CEP192: variants seen among roughly 807,000 people sequenced by gnomAD.
CEP192 encodes the protein centrosomal protein 192, also known as centrosomal protein of 192 kDa.
In CEP192, 151 loss-of-function variants were observed where a neutral mutation model predicts 271.8. The observed-to-expected ratio is 0.56, with a 90% CI of 0.49 to 0.64. The LOEUF (loss-of-function observed/expected upper bound fraction) is 0.64, where lower values mean the gene tolerates loss of function less well. Among genes scored for constraint, CEP192 ranks in the 30% least tolerant of loss-of-function variants. CEP192 has a pLI of 0.00. For synonymous variants in CEP192, 995 were observed against 1,076.5 expected (o/e 0.92, Z 1.48); for missense variants, 2,910 against 3,020.5 (o/e 0.96, Z 0.86).
At position 13,116,401 on chromosome 18, in the gene CEP192, A is replaced by G. The variant is rs1203385995; in HGVS notation, c.7314A>G (p.Gly2438=). The change falls in exon 43 of 45, where the codon GGA becomes GGG. Residue 2438 remains glycine (G), a synonymous_variant. Coordinates refer to ENST00000506447, the MANE Select transcript of CEP192 (RefSeq NM_032142.4). The part of the protein sequence containing the change: ...IPEQLDVTAR[G]VYAPEDVYRF... ...GGCAGCTTGATGTGACTGCTCGTGGAGTTTATGCCCCAGAGGATGTGTACA... is the reference window on the plus strand; with the variant it reads ...GGCAGCTTGATGTGACTGCTCGTGGGGTTTATGCCCCAGAGGATGTGTACA... 2 of 1,612,316 alleles carry G rather than the reference A, an allele frequency of 1.2e-6. No individual in the cohort carries two copies. Among genetic ancestry groups the G allele is most frequent in the Non-Finnish European group, 1.7e-6 (2 of 1,179,566 alleles).
intron 1 of CEP192, among the ~76,000 whole-genome samples, chr18:12,994,467 A>G (rs1471665679): frequency 1.3e-5 from 2 of 152,038 alleles, no homozygotes; most frequent in African/African-American, 4.8e-5. Flanking sequence ...TAGAGTTTTC[A>G]GGAGAGGCAT....
Position 13,013,021 on chromosome 18 carries a change from C to T in CEP192, c.515C>T (p.Pro172Leu), listed in dbSNP as rs1363254517. The change falls in exon 5 of 45, where the codon CCC becomes CTC. Residue 172 changes from proline (P) to leucine (L), a missense_variant. Pro to Leu is a moderately conservative substitution (Grantham distance 98, BLOSUM62 -3). Coordinates refer to ENST00000506447, the MANE Select transcript of CEP192 (RefSeq NM_032142.4). ...CAGTCATGGATGAATAATAAGGAAC[C>T]CAAGGTAACCTTTTATATATTTGGT... ...HLQSWMNNKE[P>L]KIVVLDAGKH... is the part of the protein sequence containing the mutation. 2.1e-6 allele frequency: 3 copies of T among 1,459,596 alleles called. No individual in the cohort carries two copies. Among genetic ancestry groups the T allele is most frequent in the East Asian group, 2.5e-5 (1 of 40,302 alleles). 90.4% of individuals were successfully genotyped at this position (1,459,596 alleles called of 1,614,324 possible). A position where few individuals can be genotyped will look rare whatever the true frequency, so the allele number is the denominator to read the frequency against.
chr18:13,034,457 G>A (rs1205881446), intron 11 of CEP192, among the ~76,000 whole-genome samples: 3 of 152,144 alleles, frequency 2.0e-5, no homozygotes, highest in South Asian at 2.1e-4. Context: ...TAACGTCCAA[G>A]TCATTTTAAA....
chr18:13,063,055 G>T (rs1010761152), intron 21 of CEP192, among the ~76,000 whole-genome samples: 11 of 152,142 alleles, frequency 7.2e-5, no homozygotes, highest in Admixed American at 5.2e-4. Flanking sequence ...CAAATGACTG[G>T]ATCTCATTCT....
chr18:13,099,520 CA>C lies in CEP192; in HGVS notation c.6606del (p.Lys2202AsnfsTer10). The stretch of plus-strand genomic sequence containing the variant: ...GTGAGTCCTAATTCCTCCTTATCCA[CA>C]AAACAGTCAATGTTCCCGTGGAGTG... ...ILVSPNSSLS[T>X]KQSMFPWSGL... On this transcript the variant is annotated frameshift_variant, in exon 37 of 45. Coordinates refer to ENST00000506447, the MANE Select transcript of CEP192 (RefSeq NM_032142.4). LOFTEE classifies it high-confidence loss of function. 1 of 1,603,598 alleles carries C rather than the reference CA, an allele frequency of 6.2e-7. No individual in the cohort carries two copies.
chr18:13,013,166 A>G, intron 5 of CEP192, 141 bp downstream of exon 5: 1 of 536,246 alleles, frequency 1.9e-6, no homozygotes. Context: ...AGCTTCAGTA[A>G]AAATGGGAGT....
chr18:13,045,892 T>C (rs2036447949), intron 15 of CEP192, among the ~76,000 whole-genome samples: 1 of 152,220 alleles, frequency 6.6e-6, no homozygotes, highest in African/African-American at 2.4e-5. Context: ...TAGCATGTTA[T>C]ATTTTTTGCC....
chr18:13,006,565 T>G (rs1387653250), intron 3 of CEP192, among the ~76,000 whole-genome samples: 1 of 152,374 alleles, frequency 6.6e-6, no homozygotes, highest in East Asian at 1.9e-4. Flanking sequence ...TTGAAAGTTC[T>G]GTAAACTGTT....
At chr18:13,076,818 C>T (rs928854976) in intron 30 of CEP192, among the ~76,000 whole-genome samples, 1 of 152,110 alleles carries the variant, frequency 6.6e-6, no homozygotes, top group African/African-American at 2.4e-5. Context: ...TCATCTCACT[C>T]TGTCGCCCAG....
At chr18:13,118,784 A>G (rs1329906811) in intron 44 of CEP192, among the ~76,000 whole-genome samples, 1 of 151,252 alleles carries the variant, frequency 6.6e-6, no homozygotes, top group Non-Finnish European at 1.5e-5. Flanking sequence ...AGACATAGCA[A>G]GCGTCAGGTG....
chr18:13,077,848 T>A (rs921314844), intron 30 of CEP192, among the ~76,000 whole-genome samples: 3 of 152,216 alleles, frequency 2.0e-5, no homozygotes, highest in African/African-American at 4.8e-5. Context: ...AACAGTCACA[T>A]ACACTATCAC....
chr18:13,023,370 G>A (rs1220479592), intron 9 of CEP192, among the ~76,000 whole-genome samples: 1 of 152,014 alleles, frequency 6.6e-6, no homozygotes, highest in African/African-American at 2.4e-5. Context: ...TAAGTATGAT[G>A]CTAGCTATAG....
intron 1 of CEP192, among the ~76,000 whole-genome samples, chr18:12,998,959 A>G (rs1210257329): frequency 6.6e-6 from 1 of 152,164 alleles, no homozygotes; most frequent in Non-Finnish European, 1.5e-5. Context: ...TTTTTAATTC[A>G]GTCTTAACAA....
At chr18:13,019,024 T>C (rs2034829508) in intron 8 of CEP192, 58 bp from the exon 9 acceptor site, 5 of 1,416,674 alleles carry the variant, frequency 3.5e-6, no homozygotes, top group Non-Finnish European at 3.8e-6. Flanking sequence ...AATCAGTTAT[T>C]ATGTTAGATT....
intron 44 of CEP192, among the ~76,000 whole-genome samples, chr18:13,123,281 A>T (rs931587214): frequency 6.6e-6 from 1 of 152,228 alleles, no homozygotes; most frequent in East Asian, 1.9e-4. Context: ...TATCTTTGAC[A>T]TGGTAAAACA....
At chr18:13,106,296 TACC>T (rs1032182132) in intron 40 of CEP192, among the ~76,000 whole-genome samples, 1 of 151,242 alleles carries the variant, frequency 6.6e-6, no homozygotes, top group Admixed American at 6.6e-5. Flanking sequence ...CCCACACAAC[TACC>T]ACCACCACTA....
intron 9 of CEP192, among the ~76,000 whole-genome samples, chr18:13,024,921 C>T (rs113286404): frequency 0.039 from 5,990 of 151,724 alleles, 378 homozygotes; most frequent in African/African-American, 0.14. Context: ...AATTGTGCGC[C>T]ACCCCACCTG....
chr18:13,075,946 G>A (rs1051381180), intron 30 of CEP192, among the ~76,000 whole-genome samples: 1 of 152,176 alleles, frequency 6.6e-6, no homozygotes, highest in East Asian at 1.9e-4. Context: ...ATTGTCATCT[G>A]GAGCAGTGGT....
chr18:13,015,207 T>C, intron 5 of CEP192, 121 bp from the exon 6 acceptor site: 1 of 900,972 alleles, frequency 1.1e-6, no homozygotes, highest in Non-Finnish European at 1.6e-6. Flanking sequence ...GCCTAAGCTG[T>C]GATTTACAGA....
Sources: gnomAD v4.1 joint callset for allele counts (sites outside exome capture counted in the v4.1 genomes callset) on GRCh38, gnomAD v4.1.1 for gene constraint, MANE v1.5 for transcripts, NCBI Gene and HGNC (gene_info 2026-07-23, HGNC 2026-07-21) for gene names.